The following ING4 variants were observed in gnomAD, a reference collection of about 807,000 sequenced individuals.
The protein encoded by ING4 is inhibitor of growth protein 4.
ING4 carries 28 observed loss-of-function variants against 33.1 expected under a neutral mutation model. The ratio of observed to expected loss-of-function variants is 0.85; its 90% CI spans 0.63 to 1.16. ING4 has a LOEUF of 1.16. Among genes scored for constraint, ING4 ranks in the 50% most tolerant of loss-of-function variants. The pLI is 0.00. For synonymous variants in ING4, 87 were observed against 104.4 expected (o/e 0.83, Z 1.02); for missense variants, 247 against 314.7 (o/e 0.78, Z 1.63).
chr12:6,662,549 G>A (rs371782306), intron 1 of ING4, among the ~76,000 whole-genome samples: 5 of 152,084 alleles, frequency 3.3e-5, no homozygotes, highest in African/African-American at 1.2e-4. Flanking sequence ...TACATAAATC[G>A]CATAAACACC....
At chr12:6,656,823 C>T (rs117962564) in intron 1 of ING4, 25 bp from the exon 2 acceptor site, 45,066 of 1,437,712 alleles carry the variant, frequency 0.031, 799 homozygotes, top group Middle Eastern at 0.053. Flanking sequence ...GAAACAATCA[C>T]AGGACTGACT....
At chr12:6,662,952 C>T in intron 1 of ING4, 113 bp downstream of exon 1, 8 of 1,187,510 alleles carry the variant, frequency 6.7e-6, no homozygotes, top group Non-Finnish European at 9.7e-6. Context: ...TGCCACAGAA[C>T]CGCTTCATAA....
At chr12:6,652,569 A>T (rs572435286) in intron 5 of ING4, 93 bp downstream of exon 5, 1 of 1,390,514 alleles carries the variant, frequency 7.2e-7, no homozygotes, top group East Asian at 2.3e-5. Flanking sequence ...TGGCGCAGAC[A>T]TATAGAAAGC....
chr12:6,651,532 A>G (rs932382393), intron 6 of ING4, 147 bp from the exon 7 acceptor site: 4 of 663,834 alleles, frequency 6.0e-6, no homozygotes, highest in Non-Finnish European at 1.1e-5. Flanking sequence ...AGTTCCCACC[A>G]TCTTCCTTCT....
intron 2 of ING4, among the ~76,000 whole-genome samples, chr12:6,655,030 G>T (rs1949311687): frequency 6.7e-6 from 1 of 148,232 alleles, no homozygotes; most frequent in Admixed American, 6.8e-5. Flanking sequence ...CGGTCTCCCA[G>T]ATGTTTTATT....
chr12:6,654,986 A>G lies in ING4; in HGVS notation c.110-1590T>C, dbSNP rs553589516. On this transcript the variant is annotated intron_variant, in intron 2 of 7. Coordinates refer to ENST00000341550, the MANE Select transcript of ING4 (RefSeq NM_016162.4). The stretch of plus-strand genomic sequence containing the variant: ...GTGATCTGCCCGCCTCGGCCTCCCA[A>G]AGTACTGGGATTACAGACATGAGCC... 1.8e-4 allele frequency among the ~76,000 whole-genome samples: 28 copies of G among 152,098 alleles called. No homozygotes were observed. The East Asian group carries it at 5.4e-3, about 29-fold the overall frequency.
chr12:6,653,878 T>G (rs913863871), intron 2 of ING4, among the ~76,000 whole-genome samples: 7 of 152,206 alleles, frequency 4.6e-5, no homozygotes, highest in African/African-American at 1.7e-4. Flanking sequence ...ATTTTTTCTT[T>G]TTGACACAGG....
At chr12:6,662,922 C>G (rs1044071684) in intron 1 of ING4, 143 bp downstream of exon 1, 4 of 892,732 alleles carry the variant, frequency 4.5e-6, no homozygotes, top group Non-Finnish European at 7.0e-6. Context: ...CCCTCTTTCT[C>G]CGCACCCTCC....
intron 2 of ING4, among the ~76,000 whole-genome samples, chr12:6,653,626 T>G (rs924902269): frequency 9.2e-5 from 14 of 152,228 alleles, no homozygotes; most frequent in Admixed American, 9.2e-4. Context: ...TAGTTGGAAT[T>G]TAAATTACTG....
intron 1 of ING4, among the ~76,000 whole-genome samples, chr12:6,660,609 AAAAC>A (rs1163392254): frequency 2.0e-5 from 3 of 152,070 alleles, no homozygotes; most frequent in East Asian, 1.9e-4. Context: ...CTCTGTCTCA[AAAAC>A]AAACAAACAA....
chr12:6,654,819 G>A (rs1949302468), intron 2 of ING4, among the ~76,000 whole-genome samples: 1 of 151,988 alleles, frequency 6.6e-6, no homozygotes, highest in African/African-American at 2.4e-5. Context: ...CTGCCTCGTG[G>A]GTTCAAGGGA....
chr12:6,658,552 T>G (rs1049817120), intron 1 of ING4, among the ~76,000 whole-genome samples: 1 of 151,690 alleles, frequency 6.6e-6, no homozygotes, highest in Non-Finnish European at 1.5e-5. Flanking sequence ...CCAGGCTTGG[T>G]GCACATGCCT....
At chr12:6,660,238 T>C (rs1401987233) in intron 1 of ING4, among the ~76,000 whole-genome samples, 1 of 152,136 alleles carries the variant, frequency 6.6e-6, no homozygotes, top group African/African-American at 2.4e-5. Flanking sequence ...GGCAGGTAGA[T>C]CGCTTGATCT....
chr12:6,662,890 G>A (rs1051114381), intron 1 of ING4, among the ~76,000 whole-genome samples, 175 bp downstream of exon 1: 2 of 151,980 alleles, frequency 1.3e-5, no homozygotes, highest in African/African-American at 4.8e-5. Flanking sequence ...CATCAGCGGG[G>A]CCTCGATCCT....
intron 1 of ING4, among the ~76,000 whole-genome samples, chr12:6,660,840 T>C (rs1269737955): frequency 2.0e-5 from 3 of 152,146 alleles, no homozygotes; most frequent in Non-Finnish European, 4.4e-5. Context: ...TTTTGAGGTG[T>C]AGTGTCGCTC....
chr12:6,651,800 C>A (rs1301357393), intron 6 of ING4, among the ~76,000 whole-genome samples: 1 of 151,656 alleles, frequency 6.6e-6, no homozygotes, highest in Non-Finnish European at 1.5e-5. Flanking sequence ...CCTTGGCCTC[C>A]CAAAGTGCTG....
rs563208394 is a variant in ING4 at position 6,650,947 on chromosome 12, G to A, written c.*248C>T. ...CAGCATGGAGGCAAAAGGACAGTGG[G>A]CAAGACCACGTCCCTCCGAAGGGAG... is the stretch of plus-strand genomic sequence containing the variant. On this transcript the variant is annotated 3_prime_UTR_variant, in exon 8 of 8. Transcript: ENST00000341550. 5.2e-6 allele frequency: 3 copies of A among 571,952 alleles called. No individual in the cohort carries two copies. The highest frequency in any genetic ancestry group is 4.7e-4 in the Middle Eastern group (1 of 2,126). The allele number at this position is 571,952 out of a possible 1,614,324, so 35.4% of individuals were successfully genotyped here.
intron 1 of ING4, among the ~76,000 whole-genome samples, chr12:6,661,017 CTCCTGACCTAAGGCGA>C (rs1439996748): frequency 1.3e-5 from 2 of 149,722 alleles, no homozygotes; most frequent in African/African-American, 4.9e-5. Context: ...GGTCTTGGAA[CTCCTGACCTAAGGCGA>C]TCCACCCATC....
rs1434043975 is a variant in ING4, at chr12:6,653,398, T to G, written c.110-2A>C. On this transcript the variant is annotated splice_acceptor_variant, in intron 2 of 7. Coordinates refer to ENST00000341550, the MANE Select transcript of ING4 (RefSeq NM_016162.4). LOFTEE classifies it high-confidence loss of function. ...ACTTGTCAATTTCAGCCTTCAGGTC[T>G]ACAACAGAGACAGAGGCCTGGTCAC... The G allele has an allele frequency of 6.2e-7, 1 of 1,613,436 alleles. No homozygotes were observed. The highest frequency in any genetic ancestry group is 1.7e-5 in the Admixed American group (1 of 59,904).
Sources: gnomAD v4.1 joint callset for allele counts (sites outside exome capture counted in the v4.1 genomes callset) on GRCh38, gnomAD v4.1.1 for gene constraint, MANE v1.5 for transcripts, NCBI Gene and HGNC (gene_info 2026-07-23, HGNC 2026-07-21) for gene names.